PTPRD: variants seen among roughly 807,000 people sequenced by gnomAD.
The protein encoded by PTPRD is protein tyrosine phosphatase receptor type D, also known as receptor-type tyrosine-protein phosphatase delta.
Under a neutral mutation model 214.5 loss-of-function variants are expected in PTPRD, and 34 were observed. The observed-to-expected ratio is 0.16, with a 90% CI of 0.12 to 0.21. The LOEUF (loss-of-function observed/expected upper bound fraction) is 0.21, where lower values mean the gene tolerates loss of function less well. Ranked by LOEUF, PTPRD falls within the 10% of genes least tolerant of loss-of-function variation. The pLI is 1.00. For missense variants in PTPRD, 2,545 were observed against 2,398.7 expected (o/e 1.06, Z -1.27); for synonymous variants, 1,128 against 845.7 (o/e 1.33, Z -5.79).
chr9:9,943,805 T>G (rs776739399), intron 4 of PTPRD, among the ~76,000 whole-genome samples: 8 of 151,986 alleles, frequency 5.3e-5, no homozygotes, highest in Non-Finnish European at 1.0e-4. Flanking sequence ...AACTGAAAAA[T>G]CCTTTTTCAG....
intron 9 of PTPRD, among the ~76,000 whole-genome samples, chr9:9,186,025 T>C (rs1479325575): frequency 6.6e-6 from 1 of 152,052 alleles, no homozygotes; most frequent in Non-Finnish European, 1.5e-5. Context: ...TTCTAAGCCA[T>C]GCATAATGTC....
At chr9:9,488,184 T>C (rs991349261) in intron 8 of PTPRD, among the ~76,000 whole-genome samples, 1 of 152,182 alleles carries the variant, frequency 6.6e-6, no homozygotes, top group African/African-American at 2.4e-5. Flanking sequence ...AATATGTATT[T>C]CCTTACACTA....
At chr9:8,515,491 T>A (rs1429406398) in intron 21 of PTPRD, among the ~76,000 whole-genome samples, 1 of 152,182 alleles carries the variant, frequency 6.6e-6, no homozygotes, top group Non-Finnish European at 1.5e-5. Context: ...CCTCAGAGCA[T>A]AACCTTATTT....
intron 9 of PTPRD, among the ~76,000 whole-genome samples, chr9:9,395,781 G>C (rs1403358390): frequency 6.6e-6 from 1 of 151,962 alleles, no homozygotes; most frequent in Non-Finnish European, 1.5e-5. Context: ...GAAACCAAAA[G>C]CATTTTATCA....
intron 11 of PTPRD, among the ~76,000 whole-genome samples, chr9:9,011,418 T>C (rs775448436): frequency 1.3e-4 from 20 of 152,308 alleles, no homozygotes; most frequent in Non-Finnish European, 2.8e-4. Flanking sequence ...AGCATATAAT[T>C]ACATAGGATA....
At chr9:10,327,293 T>G (rs1213983257) in intron 3 of PTPRD, among the ~76,000 whole-genome samples, 1 of 151,032 alleles carries the variant, frequency 6.6e-6, no homozygotes, top group South Asian at 2.1e-4. Context: ...CTAAATAAAA[T>G]ACTTACTCTC....
chr9:9,763,242 A>C (rs567842388), intron 6 of PTPRD, among the ~76,000 whole-genome samples: 1 of 152,212 alleles, frequency 6.6e-6, no homozygotes, highest in Admixed American at 6.5e-5. Flanking sequence ...ACACATATGC[A>C]TACCCATGAC....
At chr9:9,068,658 C>A (rs1417051739) in intron 10 of PTPRD, among the ~76,000 whole-genome samples, 3 of 152,128 alleles carry the variant, frequency 2.0e-5, no homozygotes, top group African/African-American at 4.8e-5. Flanking sequence ...TGTCCCCAGG[C>A]TGGAGTGCAG....
intron 10 of PTPRD, among the ~76,000 whole-genome samples, chr9:9,046,143 G>A (rs1371849991): frequency 3.9e-5 from 6 of 152,114 alleles, no homozygotes; most frequent in Non-Finnish European, 4.4e-5. Context: ...AAAAGAAGGT[G>A]GAAGTCACTT....
chr9:8,540,404 A>G (rs2078101494), intron 14 of PTPRD, among the ~76,000 whole-genome samples: 1 of 152,152 alleles, frequency 6.6e-6, no homozygotes, highest in Admixed American at 6.6e-5. Context: ...AAAATACATG[A>G]ATTCCTATAA....
At chr9:10,134,126 C>G (rs904021528) in intron 3 of PTPRD, among the ~76,000 whole-genome samples, 9 of 152,046 alleles carry the variant, frequency 5.9e-5, no homozygotes, top group Non-Finnish European at 1.2e-4. Context: ...CCAGAGGTCT[C>G]CCAGCCTTGA....
chr9:8,385,872 G>A (rs999736425), intron 37 of PTPRD, among the ~76,000 whole-genome samples: 1 of 152,156 alleles, frequency 6.6e-6, no homozygotes, highest in Non-Finnish European at 1.5e-5. Context: ...AAATGCATGG[G>A]TGTGCCACAC....
intron 38 of PTPRD, 124 bp from the exon 39 acceptor site, chr9:8,376,214 T>A: frequency 8.9e-7 from 1 of 1,117,994 alleles, no homozygotes; most frequent in Non-Finnish European, 1.2e-6. Flanking sequence ...CTGTAGCCTT[T>A]GGGAAGACAC....
At position 10,487,966 on chromosome 9, in the gene PTPRD, GTCTCTCTCTCTC is replaced by G. The variant is rs56372955; in HGVS notation, c.-600+124420_-600+124431del. Among the ~76,000 whole-genome samples the G allele has an allele frequency of 2.3e-3, 255 of 110,316 alleles. 1 individual carries two copies. The highest frequency in any genetic ancestry group is 3.2e-3 in the Non-Finnish European group (180 of 56,520). The allele number at this position is 110,316 out of a possible 152,430, so 72.4% of individuals were successfully genotyped here. ...CCTTAATTTCTCCCAAATGAACACA[GTCTCTCTCTCTC>G]TCTCTCTCTCTCTCTCTCTCTCTCT... On this transcript the variant is annotated intron_variant, in intron 2 of 45. Coordinates refer to ENST00000381196, the MANE Select transcript of PTPRD (RefSeq NM_002839.4).
intron 2 of PTPRD, among the ~76,000 whole-genome samples, chr9:10,587,806 AC>A (rs1005435825): frequency 6.6e-6 from 1 of 152,074 alleles, no homozygotes; most frequent in African/African-American, 2.4e-5. Context: ...TAGTGAAGGG[AC>A]CCATAGAGCT....
chr9:10,272,958 T>C (rs192483570), intron 3 of PTPRD, among the ~76,000 whole-genome samples: 5 of 152,298 alleles, frequency 3.3e-5, no homozygotes, highest in Admixed American at 2.0e-4. Context: ...TCAGTAGAGA[T>C]GAAAAATGCC....
intron 14 of PTPRD, among the ~76,000 whole-genome samples, chr9:8,609,267 G>A (rs1031885730): frequency 1.3e-5 from 2 of 152,142 alleles, no homozygotes; most frequent in African/African-American, 2.4e-5. Flanking sequence ...GTGTGTTCAC[G>A]TGGCAGCACT....
At chr9:10,030,992 T>A (rs557641042) in intron 4 of PTPRD, among the ~76,000 whole-genome samples, 3 of 152,314 alleles carry the variant, frequency 2.0e-5, no homozygotes, top group African/African-American at 7.2e-5. Context: ...GAATGACTAC[T>A]CAGAAAAAAC....
rs76334876 is a variant in PTPRD, at chr9:9,775,221, T to G, written c.-367-8370A>C. On this transcript the variant is annotated intron_variant, in intron 5 of 45. Transcript: ENST00000381196. ...TTTTTAATTTTAACCACAGAGAATT[T>G]TATCCATGAAGGTCACTTGTTTTAT... is the stretch of plus-strand genomic sequence containing the variant. Among the ~76,000 whole-genome samples the G allele has an allele frequency of 0.034, 5,214 of 152,274 alleles. 568 individuals are homozygous for G. The East Asian group carries it at 0.39, about 12-fold the overall frequency.
Sources: allele counts gnomAD v4.1 joint callset (sites outside exome capture counted in the v4.1 genomes callset), GRCh38; gene constraint gnomAD v4.1.1; transcripts MANE v1.5; gene names NCBI Gene and HGNC (gene_info 2026-07-23, HGNC 2026-07-21).